ANKS1B: variants seen among roughly 807,000 people sequenced by gnomAD.
The protein encoded by ANKS1B is ankyrin repeat and sterile alpha motif domain containing 1B, also known as ankyrin repeat and sterile alpha motif domain-containing protein 1B.
Under a neutral mutation model 148.3 loss-of-function variants are expected in ANKS1B, and 36 were observed. That is an observed-to-expected ratio of 0.24 (90% CI 0.19 to 0.32). The LOEUF (loss-of-function observed/expected upper bound fraction) is 0.32. Ranked by LOEUF, ANKS1B falls within the 10% of genes least tolerant of loss-of-function variation. The probability of loss-of-function intolerance (pLI) is 1.00; values close to 1 mark genes in which losing one functional copy is unlikely to be tolerated. For synonymous variants in ANKS1B, 542 were observed against 560.8 expected (o/e 0.97, Z 0.47); for missense variants, 1,157 against 1,542.6 (o/e 0.75, Z 4.19).
At chr12:99,598,129 C>T (rs1018875418) in intron 9 of ANKS1B, among the ~76,000 whole-genome samples, 1 of 151,904 alleles carries the variant, frequency 6.6e-6, no homozygotes, top group Non-Finnish European at 1.5e-5. Context: ...TAATACATTG[C>T]CACATTAGAT....
intron 12 of ANKS1B, among the ~76,000 whole-genome samples, chr12:99,379,756 A>G (rs929549445): frequency 6.6e-6 from 1 of 152,256 alleles, no homozygotes; most frequent in East Asian, 1.9e-4. Context: ...GTGTCTACTT[A>G]CGATAATTTA....
intron 12 of ANKS1B, among the ~76,000 whole-genome samples, chr12:99,388,294 G>A (rs540658994): frequency 6.6e-6 from 1 of 152,138 alleles, no homozygotes; most frequent in Non-Finnish European, 1.5e-5. Context: ...CATTATCAGA[G>A]CTTTAGCTTT....
intron 1 of ANKS1B, among the ~76,000 whole-genome samples, chr12:99,892,176 TG>T (rs1405685809): frequency 2.0e-5 from 3 of 152,100 alleles, no homozygotes; most frequent in Admixed American, 6.5e-5. Flanking sequence ...GCTAATTTTT[TG>T]TATTTTTAGT....
intron 9 of ANKS1B, among the ~76,000 whole-genome samples, chr12:99,653,678 C>CTTTTTTTTTTTTTTTTT (rs199988255): frequency 8.8e-6 from 1 of 113,584 alleles, no homozygotes; most frequent in African/African-American, 3.2e-5. Flanking sequence ...TTCTTTCTTT[C>CTTTTTTTTTTTTTTTTT]TTTTTTTTTT....
intron 16 of ANKS1B, among the ~76,000 whole-genome samples, chr12:99,069,832 G>A (rs570593688): frequency 6.6e-6 from 1 of 152,230 alleles, no homozygotes; most frequent in African/African-American, 2.4e-5. Context: ...AAATTGATGG[G>A]TGATTCCACA....
chr12:98,939,676 T>G (rs1321940344), intron 17 of ANKS1B, among the ~76,000 whole-genome samples: 1 of 152,198 alleles, frequency 6.6e-6, no homozygotes, highest in Non-Finnish European at 1.5e-5. Context: ...TTCCCCCCAA[T>G]AATTTAAGCT....
chr12:99,745,189 A>G (rs1335009710), intron 8 of ANKS1B, among the ~76,000 whole-genome samples: 1 of 152,126 alleles, frequency 6.6e-6, no homozygotes, highest in African/African-American at 2.4e-5. Context: ...AAAGAGAATA[A>G]GGAAACATAA....
chr12:98,760,653 C>G (rs1435912959), intron 25 of ANKS1B, among the ~76,000 whole-genome samples: 1 of 152,172 alleles, frequency 6.6e-6, no homozygotes, highest in Non-Finnish European at 1.5e-5. Context: ...CTTGTTTAGG[C>G]TCTTCAGTTT....
chr12:99,528,432 CAAAAAAAAAAACA>C (rs753070074), intron 9 of ANKS1B, among the ~76,000 whole-genome samples: 17 of 96,716 alleles, frequency 1.8e-4, no homozygotes, highest in African/African-American at 4.9e-4. Flanking sequence ...AAAACAAAAA[CAAAAAAAAAAACA>C]AAAAAAAAAC....
At chr12:99,092,015 C>T (rs1048120152) in intron 15 of ANKS1B, among the ~76,000 whole-genome samples, 6 of 152,090 alleles carry the variant, frequency 3.9e-5, no homozygotes, top group Non-Finnish European at 8.8e-5. Flanking sequence ...TTCACAGTAC[C>T]GAAGCAACAA....
At chr12:99,493,086 G>A (rs1034920473) in intron 10 of ANKS1B, among the ~76,000 whole-genome samples, 1 of 152,152 alleles carries the variant, frequency 6.6e-6, no homozygotes, top group African/African-American at 2.4e-5. Context: ...CAGAAATAGA[G>A]GAAGTCACAC....
At chr12:99,658,083 T>C (rs756645482) in intron 8 of ANKS1B, among the ~76,000 whole-genome samples, 6 of 152,168 alleles carry the variant, frequency 3.9e-5, no homozygotes, top group Non-Finnish European at 7.3e-5. Flanking sequence ...CAGGTGGAAT[T>C]GTTTACCCTT....
chr12:98,744,403 T>C lies in ANKS1B; in HGVS notation c.*1336A>G, dbSNP rs2097838591. 1.1e-6 allele frequency: 1 copy of C among 874,924 alleles called. No homozygotes were observed. The highest frequency in any genetic ancestry group is 1.8e-5 in the African/African-American group (1 of 54,972). The allele number at this position is 874,924 out of a possible 1,614,324, so 54.2% of individuals were successfully genotyped here. On this transcript the variant is annotated 3_prime_UTR_variant, in exon 27 of 27. Coordinates refer to ENST00000683438, the MANE Select transcript of ANKS1B (RefSeq NM_001352186.2). ...AAAAACATTAAGACAATTCCACAAT[T>C]TATCAATATCGCTATAATGAACTTC... is the stretch of plus-strand genomic sequence containing the variant.
chr12:99,136,482 A>G (rs10777961), intron 15 of ANKS1B, among the ~76,000 whole-genome samples: 2 of 151,918 alleles, frequency 1.3e-5, no homozygotes, highest in Non-Finnish European at 2.9e-5. Context: ...CACACACACA[A>G]AAAAATTATA....
intron 17 of ANKS1B, among the ~76,000 whole-genome samples, chr12:98,978,489 TGTGC>T (rs2099901915): frequency 6.6e-6 from 1 of 152,206 alleles, no homozygotes; most frequent in Non-Finnish European, 1.5e-5. Flanking sequence ...ACTGTGTGTG[TGTGC>T]GTGTGTGTGT....
At chr12:99,578,523 T>C (rs140726406) in intron 9 of ANKS1B, among the ~76,000 whole-genome samples, 5 of 152,130 alleles carry the variant, frequency 3.3e-5, no homozygotes, top group African/African-American at 9.6e-5. Context: ...ACAAAATTTA[T>C]TACAAAAATG....
chr12:99,081,048 A>C (rs1450373889), intron 16 of ANKS1B, among the ~76,000 whole-genome samples: 1 of 152,198 alleles, frequency 6.6e-6, no homozygotes, highest in Non-Finnish European at 1.5e-5. Context: ...ACAGCGAGAA[A>C]GATGCATTCT....
At chr12:99,355,125 T>C (rs909362750) in intron 12 of ANKS1B, among the ~76,000 whole-genome samples, 3 of 152,130 alleles carry the variant, frequency 2.0e-5, no homozygotes, top group African/African-American at 7.2e-5. Context: ...AAAACATTTA[T>C]CTCAAAATCT....
intron 12 of ANKS1B, among the ~76,000 whole-genome samples, chr12:99,279,623 C>T (rs2078131127): frequency 6.6e-6 from 1 of 152,078 alleles, no homozygotes; most frequent in Admixed American, 6.6e-5. Context: ...GCTGATTAGC[C>T]TTGTAAAGTG....
Sources: gnomAD v4.1 joint callset for allele counts (sites outside exome capture counted in the v4.1 genomes callset) on GRCh38, gnomAD v4.1.1 for gene constraint, MANE v1.5 for transcripts, NCBI Gene and HGNC (gene_info 2026-07-23, HGNC 2026-07-21) for gene names.